The following UFL1 variants were observed in gnomAD, a reference collection of about 807,000 sequenced individuals.
The protein encoded by UFL1 is UFM1 specific ligase 1.
UFL1 carries 78 observed loss-of-function variants against 99.3 expected under a neutral mutation model. The ratio of observed to expected loss-of-function variants is 0.79; its 90% CI spans 0.65 to 0.95. The LOEUF is 0.95. UFL1 is among the 40% of genes least tolerant of loss of function. The probability of loss-of-function intolerance (pLI) is 0.00; values close to 1 mark genes in which losing one functional copy is unlikely to be tolerated. For synonymous variants in UFL1, 335 were observed against 322.2 expected (o/e 1.04, Z -0.42); for missense variants, 936 against 937.0 (o/e 1.00, Z 0.01).
At chr6:96,522,421 C>G (rs115055027) in intron 1 of UFL1, among the ~76,000 whole-genome samples, 1 of 152,148 alleles carries the variant, frequency 6.6e-6, no homozygotes. Context: ...CGTAACAGAC[C>G]TAGGGCTAGA....
intron 5 of UFL1, among the ~76,000 whole-genome samples, 175 bp downstream of exon 5, chr6:96,526,610 A>T (rs758177640): frequency 4.6e-5 from 7 of 152,176 alleles, no homozygotes; most frequent in Non-Finnish European, 8.8e-5. Flanking sequence ...TAGTACATTA[A>T]TGGTTCTGAG....
intron 12 of UFL1, 46 bp downstream of exon 12, chr6:96,543,062 G>C (rs1025540317): frequency 6.5e-7 from 1 of 1,540,514 alleles, no homozygotes. Context: ...TGTGATATTT[G>C]TAACATATTT....
intron 6 of UFL1, among the ~76,000 whole-genome samples, chr6:96,529,392 A>G (rs976985403): frequency 6.6e-6 from 1 of 152,172 alleles, no homozygotes; most frequent in Non-Finnish European, 1.5e-5. Flanking sequence ...CCTTCTCAAC[A>G]GTTGAAATCT....
chr6:96,553,204 G>T, intron 18 of UFL1, 81 bp from the exon 19 acceptor site: 2 of 1,318,122 alleles, frequency 1.5e-6, no homozygotes, highest in South Asian at 2.8e-5. Context: ...CCTTCAATGT[G>T]TATTAGTTGA....
In UFL1 at chr6:96,528,559, G is replaced by A. The variant is rs145039986; in HGVS notation, c.523G>A (p.Gly175Arg). 6.2e-7 allele frequency: 1 copy of A among 1,613,918 alleles called. No individual in the cohort carries two copies. ...ISGHIDLDNR[G>R]VIFTEAFVAR... The stretch of plus-strand genomic sequence containing the variant: ...TGGACATATTGATCTTGATAATAGA[G>A]GAGTAATTTTTACGGAAGCTTTTGT... The change falls in exon 6 of 19, where the codon GGA (glycine) becomes AGA (arginine). Residue 175 changes from glycine (G) to arginine (R), a missense_variant. Gly to Arg is a moderately radical substitution (Grantham distance 125). Coordinates refer to ENST00000369278, the MANE Select transcript of UFL1 (RefSeq NM_015323.5).
At chr6:96,540,299 C>A (rs1447846612) in intron 10 of UFL1, among the ~76,000 whole-genome samples, 1 of 151,262 alleles carries the variant, frequency 6.6e-6, no homozygotes, top group Non-Finnish European at 1.5e-5. Context: ...TGTGAAGTGA[C>A]AAGATAGGAT....
rs1004684314 is a variant in UFL1 at position 96,554,282 on chromosome 6, G to A, written c.*779G>A. Reference sequence around the variant, plus strand: ...TATACAAAGATTTTTCTTTGACCCAGTTTGCATTTGTACATTTTATTTTTT... The same window carrying A: ...TATACAAAGATTTTTCTTTGACCCAATTTGCATTTGTACATTTTATTTTTT... On this transcript the variant is annotated 3_prime_UTR_variant, in exon 19 of 19. Coordinates refer to ENST00000369278, the MANE Select transcript of UFL1 (RefSeq NM_015323.5). 1 of 152,102 alleles carries A rather than the reference G, an allele frequency of 6.6e-6. No homozygotes were observed. The highest frequency in any genetic ancestry group is 1.5e-5 in the Non-Finnish European group (1 of 67,992). 9.4% of individuals were successfully genotyped at this position (152,102 alleles called of 1,614,324 possible). A position where few individuals can be genotyped will look rare whatever the true frequency, so the allele number is the denominator to read the frequency against.
In UFL1 at chr6:96,523,004, T is replaced by C. The variant is rs1427615864; in HGVS notation, c.78-142T>C. On this transcript the variant is annotated intron_variant, in intron 1 of 18. Coordinates refer to ENST00000369278, the MANE Select transcript of UFL1 (RefSeq NM_015323.5). Reference sequence around the variant, plus strand: ...TTTTTTTTTAACTTATTGAATCAGTTAGTGAAAAATACAGATATTGTGATG... The same window carrying C: ...TTTTTTTTTAACTTATTGAATCAGTCAGTGAAAAATACAGATATTGTGATG... 4 of 687,488 alleles carry C rather than the reference T, an allele frequency of 5.8e-6. No homozygotes were observed. In the African/African-American group the frequency reaches 7.4e-5, roughly 13 times the overall value. 42.6% of individuals were successfully genotyped at this position (687,488 alleles called of 1,614,324 possible).
intron 5 of UFL1, 70 bp downstream of exon 5, chr6:96,526,505 G>A: frequency 1.7e-6 from 2 of 1,205,642 alleles, no homozygotes; most frequent in Admixed American, 2.0e-5. Context: ...TTGAATGGAA[G>A]GGGGAAAAAA....
Position 96,552,483 on chromosome 6 carries a change from C to T in UFL1, c.1987C>T (p.Gln663Ter). Residue 663 changes from glutamine to a stop codon, truncating the protein, a stop_gained and splice_region_variant, in exon 18 of 19, where the codon CAG becomes TAG. Transcript: ENST00000369278. LOFTEE classifies it high-confidence loss of function. ...TTGTGTGCTTTTTTTTTTTTTTAGA[C>T]AGATACTGTTCCAACATCGACAAGC... Reference protein sequence around the residue: ...VKRGDKKRERQILFQHRQALA... With the variant: ...VKRGDKKRER 1.3e-6 allele frequency: 2 copies of T among 1,532,974 alleles called. No individual in the cohort carries two copies. The allele number at this position is 1,532,974 out of a possible 1,614,324, so 95.0% of individuals were successfully genotyped here.
At chr6:96,523,538 GAATT>G (rs765925285) in intron 2 of UFL1, among the ~76,000 whole-genome samples, 44 of 152,272 alleles carry the variant, frequency 2.9e-4, no homozygotes, top group South Asian at 8.3e-4. Flanking sequence ...TACTATACAT[GAATT>G]AATTGTTTCT....
At chr6:96,540,918 A>G (rs150011811) in intron 11 of UFL1, among the ~76,000 whole-genome samples, 19 of 151,400 alleles carry the variant, frequency 1.3e-4, no homozygotes, top group East Asian at 3.9e-4. Context: ...TCCTCTGTCT[A>G]TGTTCCAGCC....
intron 10 of UFL1, among the ~76,000 whole-genome samples, chr6:96,540,120 T>G (rs1769910025): frequency 6.6e-6 from 1 of 151,192 alleles, no homozygotes; most frequent in Admixed American, 6.6e-5. Flanking sequence ...GTAATTTGTG[T>G]GGGGTAGGGG....
chr6:96,521,961 C>G lies in UFL1; in HGVS notation c.77+11C>G. 2 of 1,609,544 alleles carry G rather than the reference C, an allele frequency of 1.2e-6. No homozygotes were observed. The highest frequency in any genetic ancestry group is 1.7e-6 in the Non-Finnish European group (2 of 1,178,124). ...CGAGGCCACGCAGAGGTGCCCGACCCTCCCTCTCCTTTGTGGAGCCCAAAT... is the reference window on the plus strand; with the variant it reads ...CGAGGCCACGCAGAGGTGCCCGACCGTCCCTCTCCTTTGTGGAGCCCAAAT... On this transcript the variant is annotated intron_variant, in intron 1 of 18. Coordinates refer to ENST00000369278, the MANE Select transcript of UFL1 (RefSeq NM_015323.5).
rs762531315 is a variant in UFL1, at chr6:96,549,708, C to A, written c.1727C>A (p.Ser576Ter). The A allele has an allele frequency of 1.2e-6, 2 of 1,612,246 alleles. No individual in the cohort carries two copies. The highest frequency in any genetic ancestry group is 1.1e-5 in the South Asian group (1 of 90,968). The change falls in exon 15 of 19, where the codon TCA becomes TAA. Residue 576 changes from serine to a stop codon, truncating the protein, a stop_gained. Coordinates refer to ENST00000369278, the MANE Select transcript of UFL1 (RefSeq NM_015323.5). LOFTEE classifies it high-confidence loss of function. ...QAALTKHLLK[S>*]VCTDITNLIF... ...GCTCTTACCAAACACTTGCTGAAGT[C>A]AGTGTGTACTGATATCACTAACCTC...
At position 96,523,140 on chromosome 6, in the gene UFL1, C is replaced by G. The variant is rs759033523; in HGVS notation, c.78-6C>G. The stretch of plus-strand genomic sequence containing the variant: ...CTTTTGAAACAACTTTTTTTCTTTC[C>G]CTCAGGTTGTCCGAGCGGAACTGCA... On this transcript the variant is annotated splice_region_variant and splice_polypyrimidine_tract_variant and intron_variant, in intron 1 of 18. Coordinates refer to ENST00000369278, the MANE Select transcript of UFL1 (RefSeq NM_015323.5). 4.4e-6 allele frequency: 7 copies of G among 1,592,188 alleles called. No individual in the cohort carries two copies. The South Asian group carries it at 7.0e-5, about 16-fold the overall frequency.
Position 96,552,483 on chromosome 6 carries a change from CAG to C in UFL1, c.1989_1990del (p.Gln663HisfsTer11). The C allele has an allele frequency of 6.5e-7, 1 of 1,532,976 alleles. No homozygotes were observed. The highest frequency in any genetic ancestry group is 8.7e-7 in the Non-Finnish European group (1 of 1,151,274). 95.0% of individuals were successfully genotyped at this position (1,532,976 alleles called of 1,614,324 possible). The stretch of plus-strand genomic sequence containing the variant: ...TTGTGTGCTTTTTTTTTTTTTTAGA[CAG>C]ATACTGTTCCAACATCGACAAGCAC... ...VKRGDKKRER[Q>X]ILFQHRQALA... On this transcript the variant is annotated frameshift_variant and splice_region_variant, in exon 18 of 19. Transcript: ENST00000369278. LOFTEE classifies it high-confidence loss of function.
chr6:96,536,474 C>G (rs1769856229), intron 8 of UFL1, 84 bp downstream of exon 8: 1 of 969,212 alleles, frequency 1.0e-6, no homozygotes, highest in Non-Finnish European at 1.4e-6. Context: ...CCCTAGAGTC[C>G]TCCTTTGATC....
In UFL1 at chr6:96,540,658, A is replaced by C. The variant is rs1360584907; in HGVS notation, c.1279+3A>C. ...TGAGCGAAGAAGGAAAGCAACAGGT[A>C]ATAAATTGTTAACAAGGAATATTCA... On this transcript the variant is annotated splice_donor_region_variant and intron_variant, in intron 11 of 18. Transcript: ENST00000369278. 1 of 1,591,958 alleles carries C rather than the reference A, an allele frequency of 6.3e-7. No homozygotes were observed. The highest frequency in any genetic ancestry group is 8.5e-7 in the Non-Finnish European group (1 of 1,172,324).
Sources: allele counts gnomAD v4.1 joint callset (sites outside exome capture counted in the v4.1 genomes callset), GRCh38; gene constraint gnomAD v4.1.1; transcripts MANE v1.5; gene names NCBI Gene and HGNC (gene_info 2026-07-23, HGNC 2026-07-21).